The following FRMPD4 variants were observed in gnomAD, a reference collection of about 807,000 sequenced individuals.
FRMPD4 encodes FERM and PDZ domain-containing protein 4.
A neutral mutation model predicts 94.1 loss-of-function variants in FRMPD4; 22 were observed. That is an observed-to-expected ratio of 0.23 (90% confidence interval 0.17 to 0.33). FRMPD4 has a LOEUF of 0.33. FRMPD4 is among the 10% of genes least tolerant of loss of function. The pLI, the probability that FRMPD4 is intolerant of heterozygous loss-of-function variation, is 1.00. For missense variants in FRMPD4, 1,111 were observed against 1,339.9 expected, an observed-to-expected ratio of 0.83 and a Z score of 2.67; for synonymous variants, 631 against 548.6, an observed-to-expected ratio of 1.15 and a Z score of -2.10.
chrX:12,661,942 G>C (rs1288179537), intron 4 of FRMPD4, among the ~76,000 whole-genome samples: 2 of 112,013 alleles, frequency 1.8e-5, no homozygotes, highest in East Asian at 5.6e-4. Flanking sequence ...CTACGTTATG[G>C]CTTGTTATCA....
intron 13 of FRMPD4, 40 bp downstream of exon 13, chrX:12,707,691 C>G: frequency 1.9e-6 from 2 of 1,043,249 alleles, no homozygotes; most frequent in Non-Finnish European, 2.6e-6. Context: ...TTGCTGTCAA[C>G]AGCTAATTTC....
intron 2 of FRMPD4, among the ~76,000 whole-genome samples, chrX:12,502,568 T>C (rs2057934008): frequency 9.0e-6 from 1 of 111,420 alleles, no homozygotes; most frequent in Admixed American, 9.5e-5. Context: ...ATTGTTACAA[T>C]AACAGCATCA....
chrX:12,489,586 C>CAATG (rs754212937), intron 1 of FRMPD4, among the ~76,000 whole-genome samples: 6 of 112,194 alleles, frequency 5.3e-5, no homozygotes, highest in Admixed American at 4.7e-4. Flanking sequence ...GCAGATTCAA[C>CAATG]AATGCTGTGT....
At chrX:12,347,745 CATTTAAATTATT>C (rs2147969338) in intron 1 of FRMPD4, among the ~76,000 whole-genome samples, 1 of 111,405 alleles carries the variant, frequency 9.0e-6, no homozygotes, top group East Asian at 2.8e-4. Context: ...AGTATCAGTT[CATTTAAATTATT>C]ATTTAAATTG....
chrX:12,641,023 T>C (rs1157851153), intron 4 of FRMPD4, among the ~76,000 whole-genome samples: 1 of 111,239 alleles, frequency 9.0e-6, no homozygotes, highest in African/African-American at 3.3e-5. Context: ...TCTCTAATTT[T>C]TTTTAAAGAG....
chrX:12,043,994 T>C (rs1201858365), intron 3 of FRMPD4, among the ~76,000 whole-genome samples: 1 of 111,505 alleles, frequency 9.0e-6, no homozygotes, highest in African/African-American at 3.3e-5. Flanking sequence ...AACAGGAAAA[T>C]GAATTACTGC....
Position 12,609,735 on chromosome X carries a change from C to A in FRMPD4, c.173C>A (p.Ala58Glu), listed in dbSNP as rs750113100. The A allele has an allele frequency of 2.5e-6, 3 of 1,207,001 alleles. No homozygotes were observed. The African/African-American group carries it at 5.2e-5, about 21-fold the overall frequency. Reference sequence around the variant, plus strand: ...TTTCTCCACAGTCACATGACACAGGCAATCCCTTTTGACGACCCTCGGTTA... The same window carrying A: ...TTTCTCCACAGTCACATGACACAGGAAATCCCTTTTGACGACCCTCGGTTA... Reference protein sequence around the residue: ...RDYFINHMTQAIPFDDPRLES... With the variant: ...RDYFINHMTQEIPFDDPRLES... Residue 58 changes from alanine to glutamate, a missense_variant, in exon 3 of 17, where the codon GCA (alanine) becomes GAA (glutamate). By Grantham distance (107) the Ala-to-Glu change is moderately radical (BLOSUM62 -1). Transcript: ENST00000675598.
At chrX:12,656,778 T>G (rs1403149894) in intron 4 of FRMPD4, among the ~76,000 whole-genome samples, 1 of 111,635 alleles carries the variant, frequency 9.0e-6, no homozygotes, top group Non-Finnish European at 1.9e-5. Flanking sequence ...CTGATTACAA[T>G]TATCTATTGG....
At chrX:12,633,376 C>G (rs1327626066) in intron 4 of FRMPD4, among the ~76,000 whole-genome samples, 1 of 111,380 alleles carries the variant, frequency 9.0e-6, no homozygotes, top group East Asian at 2.8e-4. Flanking sequence ...CCCTTAAACC[C>G]CCTTCCAGGA....
chrX:12,669,570 G>A (rs1268787004), intron 4 of FRMPD4, among the ~76,000 whole-genome samples: 6 of 112,026 alleles, frequency 5.4e-5, no homozygotes, highest in East Asian at 5.6e-4. Flanking sequence ...AATAATGATC[G>A]CCTGAAAAAT....
At chrX:12,244,126 G>T (rs915292828) in intron 1 of FRMPD4, among the ~76,000 whole-genome samples, 6 of 109,469 alleles carry the variant, frequency 5.5e-5, no homozygotes, top group Non-Finnish European at 7.6e-5. Context: ...GTTTTGTTTT[G>T]TTTTTTATTT....
chrX:12,088,841 G>A (rs945661693), intron 3 of FRMPD4, among the ~76,000 whole-genome samples: 1 of 112,095 alleles, frequency 8.9e-6, no homozygotes, highest in Admixed American at 9.4e-5. Context: ...TCTACATATA[G>A]AAAAGGACAC....
chrX:12,215,121 G>A (rs898846844), intron 1 of FRMPD4, among the ~76,000 whole-genome samples: 4 of 111,782 alleles, frequency 3.6e-5, no homozygotes, highest in Non-Finnish European at 7.5e-5. Flanking sequence ...CACAAAAATG[G>A]TCGTTTTCTG....
chrX:12,120,420 G>T (rs2055444417), intron 3 of FRMPD4, among the ~76,000 whole-genome samples: 1 of 111,721 alleles, frequency 9.0e-6, no homozygotes, highest in South Asian at 3.8e-4. Flanking sequence ...AAGCTGGGCA[G>T]GGTGGCTCAC....
chrX:12,062,551 G>T (rs1221081864), intron 3 of FRMPD4, among the ~76,000 whole-genome samples: 1 of 110,844 alleles, frequency 9.0e-6, no homozygotes, highest in Non-Finnish European at 1.9e-5. Flanking sequence ...GTACAGTGGC[G>T]CAATCTCGGC....
chrX:12,051,145 G>A, intron 3 of FRMPD4, among the ~76,000 whole-genome samples: 1 of 111,882 alleles, frequency 8.9e-6, no homozygotes, highest in Non-Finnish European at 1.9e-5. Context: ...ACATGTCTAT[G>A]TAGTAAAAAG....
At chrX:12,614,571 G>C (rs2059216542) in intron 3 of FRMPD4, among the ~76,000 whole-genome samples, 1 of 111,803 alleles carries the variant, frequency 8.9e-6, no homozygotes, top group African/African-American at 3.3e-5. Flanking sequence ...GAAAAATGTG[G>C]ATGCCTGGGT....
chrX:12,688,255 T>C (rs1031937852), intron 7 of FRMPD4, among the ~76,000 whole-genome samples: 4 of 111,817 alleles, frequency 3.6e-5, no homozygotes, highest in East Asian at 2.8e-4. Flanking sequence ...CTCCCTGCCA[T>C]TGGACTCCCT....
intron 6 of FRMPD4, among the ~76,000 whole-genome samples, chrX:12,685,552 A>T: frequency 1.2e-5 from 1 of 80,974 alleles, no homozygotes; most frequent in African/African-American, 4.8e-5. Flanking sequence ...TTTCCCTTGG[A>T]GTTTTGTTTT....
Sources: gnomAD v4.1 joint callset for allele counts (sites outside exome capture counted in the v4.1 genomes callset) on GRCh38, gnomAD v4.1.1 for gene constraint, MANE v1.5 for transcripts, NCBI Gene and HGNC (gene_info 2026-07-23, HGNC 2026-07-21) for gene names.